The following PDGFB variants were observed in gnomAD, a reference collection of about 807,000 sequenced individuals.
The protein encoded by PDGFB is platelet derived growth factor subunit B.
PDGFB carries 6 observed loss-of-function variants against 29.0 expected under a neutral mutation model. That is an observed-to-expected ratio of 0.21 (90% confidence interval 0.11 to 0.41). PDGFB has a LOEUF of 0.41. Ranked by LOEUF, PDGFB falls within the 10% of genes least tolerant of loss-of-function variation. The pLI is 1.00. For missense variants in PDGFB, 299 were observed against 341.8 expected, an observed-to-expected ratio of 0.87 and a Z score of 0.99; for synonymous variants, 144 against 140.8, an observed-to-expected ratio of 1.02 and a Z score of -0.16.
At position 39,231,461 on chromosome 22, in the gene PDGFB, C is replaced by T. The variant is rs577974079; in HGVS notation, c.456+161G>A. ...AGTCCACCTGCCTAGGAAGAGCTTCCCAAGAGTGGGCCTCTCTGGACAGAG... is the reference window on the plus strand; with the variant it reads ...AGTCCACCTGCCTAGGAAGAGCTTCTCAAGAGTGGGCCTCTCTGGACAGAG... On this transcript the variant is annotated intron_variant, in intron 4 of 6. Coordinates refer to ENST00000331163, the MANE Select transcript of PDGFB (RefSeq NM_002608.4). This position sits in a 1 kb window ranked among gnomAD's most constrained non-coding sequence, Gnocchi z 4.3. Among the ~76,000 whole-genome samples, 23 of 152,296 alleles carry T rather than the reference C, an allele frequency of 1.5e-4. No individual in the cohort carries two copies. The highest frequency in any genetic ancestry group is 5.3e-4 in the African/African-American group (22 of 41,550).
intron 3 of PDGFB, 21 bp downstream of exon 3, chr22:39,233,414 T>TG (rs751225188): frequency 1.9e-6 from 3 of 1,569,630 alleles, no homozygotes; most frequent in Non-Finnish European, 2.6e-6. Context: ...GAAGGACCCT[T>TG]GTTGGGTGTC....
intron 3 of PDGFB, 91 bp downstream of exon 3, chr22:39,233,344 T>C: frequency 1.1e-6 from 1 of 892,488 alleles, no homozygotes; most frequent in Admixed American, 2.7e-5. Context: ...AAGAGGACCC[T>C]CGGGGCCCTC....
intron 5 of PDGFB, among the ~76,000 whole-genome samples, chr22:39,227,575 GA>G (rs1443838680): frequency 6.6e-6 from 1 of 152,208 alleles, no homozygotes; most frequent in Non-Finnish European, 1.5e-5. Context: ...ACACTTTACA[GA>G]TGAGGAAACT....
chr22:39,228,615 G>A (rs1293490018), intron 5 of PDGFB, among the ~76,000 whole-genome samples: 1 of 151,736 alleles, frequency 6.6e-6, no homozygotes, highest in Non-Finnish European at 1.5e-5. Flanking sequence ...GAGGCTGGGC[G>A]TGGTGGCTCA....
At chr22:39,234,010 C>CATGG (rs1267366484) in intron 2 of PDGFB, among the ~76,000 whole-genome samples, 2 of 35,520 alleles carry the variant, frequency 5.6e-5, no homozygotes, top group Non-Finnish European at 1.3e-4. Context: ...AGGCGGGAGC[C>CATGG]ACGGAGGGAG....
chr22:39,226,285 G>A lies in PDGFB; in HGVS notation c.602-438C>T, dbSNP rs577290108. ...GGTTAACCAACAAGAGGCAGACGTG[G>A]TGCCGTGCCAGTTCCAGGCAGAGGT... On this transcript the variant is annotated intron_variant, in intron 5 of 6. Transcript: ENST00000331163. 9.2e-4 allele frequency among the ~76,000 whole-genome samples: 140 copies of A among 152,322 alleles called. No individual in the cohort carries two copies. In the South Asian group the frequency reaches 0.014, roughly 15 times the overall value.
At chr22:39,233,363 T>G in intron 3 of PDGFB, 72 bp downstream of exon 3, 1 of 1,187,218 alleles carries the variant, frequency 8.4e-7, no homozygotes, top group Non-Finnish European at 1.2e-6. Flanking sequence ...TCCGACTGGC[T>G]GCCCGCCCCC....
At position 39,239,696 on chromosome 22, in the gene PDGFB, G is replaced by A. The variant is rs115806298; in HGVS notation, c.64-3822C>T. Among the ~76,000 whole-genome samples, 702 of 152,326 alleles carry A rather than the reference G, an allele frequency of 4.6e-3. 6 individuals carry two copies. Among genetic ancestry groups the A allele is most frequent in the African/African-American group, 0.016 (667 of 41,560 alleles). ...GGAGGCAGCTGGGGCAAAGCCAGCC[G>A]TGGGAGCCAAGGTAAACAGCCTCCT... On this transcript the variant is annotated intron_variant, in intron 1 of 6. Coordinates refer to ENST00000331163, the MANE Select transcript of PDGFB (RefSeq NM_002608.4).
rs1932657396 is a variant in PDGFB at position 39,244,844 on chromosome 22, TGC to T, written c.-883_-882del. 1 of 192,266 alleles carries T rather than the reference TGC, an allele frequency of 5.2e-6. No homozygotes were observed. The highest frequency in any genetic ancestry group is 1.1e-5 in the Non-Finnish European group (1 of 93,074). The allele number at this position is 192,266 out of a possible 1,614,324, so 11.9% of individuals were successfully genotyped here. On this transcript the variant is annotated 5_prime_UTR_variant, in exon 1 of 7. Transcript: ENST00000331163. The surrounding 1 kb of genome is among the most constrained non-coding windows in gnomAD (Gnocchi z 4.5). Reference sequence around the variant, plus strand: ...CTTTTTGCGCGCGTATGTATGTGTGTGCGCGCAAAGTATCTCTATCTAGGGAA... The same window carrying T: ...CTTTTTGCGCGCGTATGTATGTGTGTGCGCAAAGTATCTCTATCTAGGGAA...
At chr22:39,239,413 G>A (rs1932516867) in intron 1 of PDGFB, among the ~76,000 whole-genome samples, 1 of 150,106 alleles carries the variant, frequency 6.7e-6, no homozygotes, top group African/African-American at 2.5e-5. Flanking sequence ...GGTGGGTGAG[G>A]GTGGGGGGAC....
rs773715905 is a variant in PDGFB at position 39,244,013 on chromosome 22, C to T, written c.-50G>A. On this transcript the variant is annotated 5_prime_UTR_variant, in exon 1 of 7. Transcript: ENST00000331163. The surrounding 1 kb of genome is among the most constrained non-coding windows in gnomAD (Gnocchi z 4.5). ...GGGCCCCGGACGCGTAGATCGAGCG[C>T]GCCGCCCCCGCGGCCAGGGTGGGGG... The T allele has an allele frequency of 7.9e-5, 102 of 1,286,446 alleles. No homozygotes were observed. Among genetic ancestry groups the T allele is most frequent in the Admixed American group, 4.9e-4 (22 of 44,856 alleles). 79.7% of individuals were successfully genotyped at this position (1,286,446 alleles called of 1,614,324 possible).
intron 1 of PDGFB, among the ~76,000 whole-genome samples, chr22:39,239,659 A>G: frequency 6.6e-6 from 1 of 152,178 alleles, no homozygotes; most frequent in East Asian, 1.9e-4. Flanking sequence ...TGGCAGAGTG[A>G]GGGCGTGGCG....
Position 39,242,997 on chromosome 22 carries a change from G to A in PDGFB, c.63+904C>T, listed in dbSNP as rs548262353. ...AGGGGTGGGGACGGCTCCGACCCCA[G>A]CGCTCCCTCAGATGTTTTTATACCC... On this transcript the variant is annotated intron_variant, in intron 1 of 6. Transcript: ENST00000331163. This position sits in a 1 kb window ranked among gnomAD's most constrained non-coding sequence, Gnocchi z 5.7. The A allele has an allele frequency of 2.1e-5, 5 of 233,152 alleles. No homozygotes were observed. The Admixed American group carries it at 2.2e-4, about 10-fold the overall frequency. The allele number at this position is 233,152 out of a possible 1,614,324, so 14.4% of individuals were successfully genotyped here. A position where few individuals can be genotyped will look rare whatever the true frequency, so the allele number is the denominator to read the frequency against.
At position 39,230,102 on chromosome 22, in the gene PDGFB, C is replaced by A. The variant is rs771445407; in HGVS notation, c.583G>T (p.Gly195Cys). The stretch of plus-strand genomic sequence containing the variant: ...TGGTTACCTCGCTGCTCCTGGGAAC[C>A]CCCCGGGCTTCGGGTCACAGGCCGT... ...AARPVTRSPG[G>C]SQEQRAKTPQ... The change falls in exon 5 of 7, where the codon GGT becomes TGT. Residue 195 changes from glycine to cysteine, a missense_variant. By Grantham distance (159) the Gly-to-Cys change is radical (BLOSUM62 -3). Coordinates refer to ENST00000331163, the MANE Select transcript of PDGFB (RefSeq NM_002608.4). 5 of 1,613,836 alleles carry A rather than the reference C, an allele frequency of 3.1e-6. No individual in the cohort carries two copies. Among genetic ancestry groups the A allele is most frequent in the African/African-American group, 1.3e-5 (1 of 75,054 alleles).
chr22:39,241,120 GGAA>G, intron 1 of PDGFB: 2 of 584,138 alleles, frequency 3.4e-6, no homozygotes, highest in South Asian at 4.1e-5. Context: ...ACTCTTTCCC[GGAA>G]GAAGTGTGCT....
chr22:39,229,864 A>G (rs1266673558), intron 5 of PDGFB, among the ~76,000 whole-genome samples: 2 of 152,218 alleles, frequency 1.3e-5, no homozygotes, highest in African/African-American at 4.8e-5. Context: ...GGTGAAGGGT[A>G]CTGGTTGGCA....
intron 1 of PDGFB, chr22:39,240,811 C>A (rs1413771016): frequency 1.2e-6 from 2 of 1,608,710 alleles, no homozygotes; most frequent in African/African-American, 2.7e-5. Context: ...AGAAGAGGCT[C>A]CTCAATGTGG....
At chr22:39,234,922 C>T (rs1048595180) in intron 2 of PDGFB, among the ~76,000 whole-genome samples, 1 of 152,054 alleles carries the variant, frequency 6.6e-6, no homozygotes, top group Non-Finnish European at 1.5e-5. Context: ...GCCAGTCGGG[C>T]ATAGGGTGGG....
chr22:39,243,272 CTT>C lies in PDGFB; in HGVS notation c.63+627_63+628del, dbSNP rs71197171. ...TCTCCGTCTCTCTCTCTCTCTCTCT[CTT>C]TCTCTCTCTCTCTCTCTCTCTCCCT... On this transcript the variant is annotated intron_variant, in intron 1 of 6. Coordinates refer to ENST00000331163, the MANE Select transcript of PDGFB (RefSeq NM_002608.4). This position sits in a 1 kb window ranked among gnomAD's most constrained non-coding sequence, Gnocchi z 6.4. 2.2e-4 allele frequency among the ~76,000 whole-genome samples: 31 copies of C among 140,394 alleles called. No homozygotes were observed. Among genetic ancestry groups the C allele is most frequent in the East Asian group, 2.0e-3 (9 of 4,536 alleles). The allele number at this position is 140,394 out of a possible 152,430, so 92.1% of individuals were successfully genotyped here. A position where few individuals can be genotyped will look rare whatever the true frequency, so the allele number is the denominator to read the frequency against.
Sources: gnomAD v4.1 joint callset for allele counts (sites outside exome capture counted in the v4.1 genomes callset) on GRCh38, gnomAD v4.1.1 for gene constraint, Gnocchi (gnomAD v3.1) non-coding constraint, MANE v1.5 for transcripts, NCBI Gene and HGNC (gene_info 2026-07-23, HGNC 2026-07-21) for gene names.